Variants in MICAL2 observed in about 807,000 individuals in gnomAD.
MICAL2 encodes [F-actin]-monooxygenase MICAL2.
Under a neutral mutation model 127.3 loss-of-function variants are expected in MICAL2, and 77 were observed. The observed-to-expected ratio is 0.60, with a 90% CI of 0.50 to 0.73. The LOEUF (loss-of-function observed/expected upper bound fraction) is 0.73, where lower values mean the gene tolerates loss of function less well. Ranked by LOEUF, MICAL2 falls within the 30% of genes least tolerant of loss-of-function variation. MICAL2 has a pLI of 0.00. For synonymous variants in MICAL2, 570 were observed against 551.1 expected, an observed-to-expected ratio of 1.03 and a Z score of -0.48; for missense variants, 1,351 against 1,434.4, an observed-to-expected ratio of 0.94 and a Z score of 0.94.
chr11:12,349,341 A>T (rs567324993), intron 32 of MICAL2, among the ~76,000 whole-genome samples: 21 of 152,230 alleles, frequency 1.4e-4, no homozygotes, highest in Admixed American at 6.5e-4. Context: ...AAAAAATCAA[A>T]ATGCCAGTCA....
At chr11:12,167,428 G>A (rs111565525) in intron 3 of MICAL2, among the ~76,000 whole-genome samples, 6,431 of 152,178 alleles carry the variant, frequency 0.042, 436 homozygotes, top group African/African-American at 0.14. Flanking sequence ...AGTTTCCTCC[G>A]TAGATCACAC....
intron 31 of MICAL2, among the ~76,000 whole-genome samples, chr11:12,324,620 T>C (rs997340677): frequency 3.3e-5 from 5 of 152,192 alleles, no homozygotes; most frequent in African/African-American, 1.2e-4. Flanking sequence ...ATTCAAGGCA[T>C]CCTCCACCTC....
chr11:12,224,056 C>T lies in MICAL2; in HGVS notation c.1540+555C>T, dbSNP rs117330620. ...TCCTTAGGCAAACTCAGCTGTACTC[C>T]TCCCTCCCCTCCACACACCACGACA... On this transcript the variant is annotated intron_variant, in intron 12 of 27. Transcript: ENST00000683283. Among the ~76,000 whole-genome samples the T allele has an allele frequency of 6.0e-4, 91 of 152,258 alleles. No individual in the cohort carries two copies. In the East Asian group the frequency reaches 9.5e-3, roughly 16 times the overall value.
chr11:12,301,654 G>T (rs574530482), intron 29 of MICAL2, among the ~76,000 whole-genome samples: 1 of 152,308 alleles, frequency 6.6e-6, no homozygotes, highest in South Asian at 2.1e-4. Flanking sequence ...GTGTTTTACA[G>T]GGAGAAGGAG....
chr11:12,138,081 G>A (rs930124381), intron 1 of MICAL2, among the ~76,000 whole-genome samples: 10 of 152,200 alleles, frequency 6.6e-5, no homozygotes, highest in African/African-American at 2.2e-4. Context: ...CTAAAGCAGC[G>A]AATAAAGCAT....
At chr11:12,335,630 A>G (rs944999270) in intron 32 of MICAL2, among the ~76,000 whole-genome samples, 24 of 152,158 alleles carry the variant, frequency 1.6e-4, no homozygotes, top group African/African-American at 4.8e-4. Flanking sequence ...TAATTTTTGT[A>G]TAAGGTGTAA....
downstream of MICAL2, among the ~76,000 whole-genome samples, chr11:12,290,722 C>T (rs962310999): frequency 3.9e-5 from 6 of 152,344 alleles, no homozygotes; most frequent in East Asian, 1.9e-4. Flanking sequence ...AAGCTTTCTG[C>T]GAGGCCTCCC....
intron 29 of MICAL2, among the ~76,000 whole-genome samples, chr11:12,300,817 A>T (rs888947436): frequency 2.0e-5 from 3 of 152,198 alleles, no homozygotes; most frequent in Admixed American, 6.5e-5. Flanking sequence ...ACAGAACTGT[A>T]AGATAATAAA....
downstream of MICAL2, among the ~76,000 whole-genome samples, chr11:12,265,587 CAAAG>C (rs551230011): frequency 3.5e-4 from 53 of 152,094 alleles, no homozygotes; most frequent in East Asian, 1.4e-3. Flanking sequence ...AATGTAATAA[CAAAG>C]AAGTTCATTG....
intron 2 of MICAL2, among the ~76,000 whole-genome samples, chr11:12,286,669 G>A (rs1443479297): frequency 6.6e-6 from 1 of 152,106 alleles, no homozygotes; most frequent in Non-Finnish European, 1.5e-5. Context: ...AGGAGTTTGA[G>A]ACCAACCTGG....
rs116546492 is a variant in MICAL2, at chr11:12,243,817, A to T, written c.2659-170A>T. ...GCAGAATGCAGTGTAACCAGGAGCC[A>T]GATAATCCTTTCTGGCTCCAAAGAC... is the stretch of plus-strand genomic sequence containing the variant. On this transcript the variant is annotated intron_variant, in intron 20 of 27. Transcript: ENST00000683283. 2.7e-3 allele frequency among the ~76,000 whole-genome samples: 412 copies of T among 152,366 alleles called. 1 individual carries two copies. The highest frequency in any genetic ancestry group is 9.5e-3 in the African/African-American group (395 of 41,590).
Position 12,152,927 on chromosome 11 carries a change from T to C in MICAL2, c.-77-9152T>C, listed in dbSNP as rs545770831. On this transcript the variant is annotated intron_variant, in intron 2 of 27. Transcript: ENST00000683283. Reference sequence around the variant, plus strand: ...TTGGGCAGCTCCCACTTATAGAAGGTGGTGATGGTGGTAGTGGTGGTAGGG... The same window carrying C: ...TTGGGCAGCTCCCACTTATAGAAGGCGGTGATGGTGGTAGTGGTGGTAGGG... Among the ~76,000 whole-genome samples the C allele has an allele frequency of 5.9e-5, 9 of 152,080 alleles. No homozygotes were observed. In the East Asian group the frequency reaches 7.7e-4, roughly 13 times the overall value.
chr11:12,293,147 C>T (rs1319059208), downstream of MICAL2, among the ~76,000 whole-genome samples: 2 of 152,150 alleles, frequency 1.3e-5, no homozygotes, highest in African/African-American at 4.8e-5. Flanking sequence ...GTGGATCATG[C>T]CTTTTAGTAC....
In MICAL2 at chr11:12,256,814, C is replaced by A. The variant is rs762979863; in HGVS notation, c.2985C>A (p.Asn995Lys). 38 of 1,613,560 alleles carry A rather than the reference C, an allele frequency of 2.4e-5. No homozygotes were observed. The highest frequency in any genetic ancestry group is 3.1e-5 in the Non-Finnish European group (36 of 1,179,694). ...CTATGCGAAAGTCATTTCCCCTTAA[C>A]CTGGGAGGCAGCGACACGTGTTACT... ...LESMRKSFPLNLGGSDTCYFC... is the reference protein window; with the variant it reads ...LESMRKSFPLKLGGSDTCYFC... Residue 995 changes from asparagine to lysine, a missense_variant, in exon 24 of 28, where the codon AAC (asparagine) becomes AAA (lysine). Asn to Lys is a moderately conservative substitution (Grantham distance 94). This residue lies in a region of MICAL2 where 752 missense variants were observed against 719.4 expected (regional missense o/e 1.05). Coordinates refer to ENST00000683283, the MANE Select transcript of MICAL2 (RefSeq NM_001282663.2).
rs886299762 is a variant in MICAL2 at position 12,258,704 on chromosome 11, G to C, written c.3231+148G>C. 167 of 713,042 alleles carry C rather than the reference G, an allele frequency of 2.3e-4. 1 individual carries two copies. Among genetic ancestry groups the C allele is most frequent in the Admixed American group, 7.3e-4 (26 of 35,730 alleles). 44.2% of individuals were successfully genotyped at this position (713,042 alleles called of 1,614,324 possible). Reference sequence around the variant, plus strand: ...AAGAAAGCCTCTGCTTCCTGGTGTGGAGGGTTCTTTTGCTTCAGTCTGTTC... The same window carrying C: ...AAGAAAGCCTCTGCTTCCTGGTGTGCAGGGTTCTTTTGCTTCAGTCTGTTC... On this transcript the variant is annotated intron_variant, in intron 25 of 27. Transcript: ENST00000683283.
intron 26 of MICAL2, chr11:12,261,650 C>A (rs1863126379): frequency 1.0e-6 from 1 of 985,334 alleles, no homozygotes; most frequent in African/African-American, 1.7e-5. Context: ...GGAGTCAGAA[C>A]CTTTGAGAGC....
intron 1 of MICAL2, among the ~76,000 whole-genome samples, chr11:12,131,677 A>G (rs1328662642): frequency 6.6e-6 from 1 of 152,090 alleles, no homozygotes; most frequent in East Asian, 1.9e-4. Context: ...CTGCTTCCTG[A>G]AGGGAAGGCA....
chr11:12,204,239 C>T lies in MICAL2; in HGVS notation c.265-11C>T, dbSNP rs773177709. 2.0e-5 allele frequency: 33 copies of T among 1,612,986 alleles called. No homozygotes were observed. The highest frequency in any genetic ancestry group is 2.6e-5 in the Non-Finnish European group (31 of 1,179,168). On this transcript the variant is annotated splice_polypyrimidine_tract_variant and intron_variant, in intron 3 of 27. Coordinates refer to ENST00000683283, the MANE Select transcript of MICAL2 (RefSeq NM_001282663.2). ...GTTACCAAGAGTCTCTCTCCTCTCT[C>T]ACCTCTGCAGTGTCTCATAGTTGGG...
At chr11:12,168,362 A>G (rs1214201157) in intron 3 of MICAL2, among the ~76,000 whole-genome samples, 5 of 151,596 alleles carry the variant, frequency 3.3e-5, no homozygotes, top group Admixed American at 1.3e-4. Context: ...ACACAAATAC[A>G]CACATACACA....
Sources: gnomAD v4.1 joint callset for allele counts (sites outside exome capture counted in the v4.1 genomes callset) on GRCh38, gnomAD v4.1.1 for gene constraint, gnomAD v4.1.1 regional missense constraint, MANE v1.5 for transcripts, NCBI Gene and HGNC (gene_info 2026-07-23, HGNC 2026-07-21) for gene names.